The following PRSS56 variants were observed in gnomAD, a reference collection of about 807,000 sequenced individuals.
PRSS56 encodes the protein protease, serine 56.
PRSS56 carries 55 observed loss-of-function variants against 66.8 expected under a neutral mutation model. The ratio of observed to expected loss-of-function variants is 0.82; its 90% confidence interval spans 0.66 to 1.03. The LOEUF is 1.03. Among genes scored for constraint, PRSS56 ranks in the 50% least tolerant of loss-of-function variants. PRSS56 has a pLI of 0.00. For synonymous variants in PRSS56, 409 were observed against 387.9 expected (o/e 1.05, Z -0.64); for missense variants, 869 against 837.2 (o/e 1.04, Z -0.47).
In PRSS56 at chr2:232,525,599, A is replaced by G; in HGVS notation, c.*93A>G. ...CATAATGACAAACTGTCGCTGCCCC[A>G]GTGGCTGGGTGTGTGTGGGTGGGAT... On this transcript the variant is annotated 3_prime_UTR_variant, in exon 13 of 13. Coordinates refer to ENST00000617714, the MANE Select transcript of PRSS56 (RefSeq NM_001195129.2). The G allele has an allele frequency of 2.6e-6, 1 of 378,274 alleles. No homozygotes were observed. Among genetic ancestry groups the G allele is most frequent in the Non-Finnish European group, 4.4e-6 (1 of 227,398 alleles). The allele number at this position is 378,274 out of a possible 1,614,324, so 23.4% of individuals were successfully genotyped here. A position where few individuals can be genotyped will look rare whatever the true frequency, so the allele number is the denominator to read the frequency against.
rs1410526865 is a variant in PRSS56 at position 232,525,422 on chromosome 2, G to C, written c.1728G>C (p.Trp576Cys). 6.5e-7 allele frequency: 1 copy of C among 1,534,122 alleles called. No homozygotes were observed. The change falls in exon 13 of 13, where the codon TGG becomes TGC. Residue 576 changes from tryptophan to cysteine, a missense_variant. By Grantham distance (215) the Trp-to-Cys change is radical (BLOSUM62 -2). This residue lies in a region of PRSS56 where 551 missense variants were observed against 506.9 expected (regional missense o/e 1.09). Transcript: ENST00000617714. Reference protein sequence around the residue: ...ALAEGEPEGPWMDVGQGPGLE... With the variant: ...ALAEGEPEGPCMDVGQGPGLE... ...CAGAAGGGGAGCCCGAGGGACCCTG[G>C]ATGGATGTAGGGCAGGGGCCCGGGC... is the stretch of plus-strand genomic sequence containing the variant.
intron 6 of PRSS56, 64 bp from the exon 7 acceptor site, chr2:232,522,996 G>A: frequency 7.4e-7 from 1 of 1,353,040 alleles, no homozygotes. Flanking sequence ...GGGGTGGTGG[G>A]AAGGGGACCC....
At chr2:232,524,714 C>A in intron 11 of PRSS56, 24 bp from the exon 12 acceptor site, 1 of 1,486,046 alleles carries the variant, frequency 6.7e-7, no homozygotes, top group Non-Finnish European at 9.0e-7. Flanking sequence ...TTCATTATTC[C>A]CGGGGCCTCT....
chr2:232,524,061 G>A lies in PRSS56; in HGVS notation c.1209G>A (p.Thr403=). 6.6e-7 allele frequency: 1 copy of A among 1,523,948 alleles called. No homozygotes were observed. The highest frequency in any genetic ancestry group is 2.0e-4 in the Middle Eastern group (1 of 5,044). 94.4% of individuals were successfully genotyped at this position (1,523,948 alleles called of 1,614,324 possible). The change falls in exon 10 of 13, where the codon ACG becomes ACA. Residue 403 remains threonine, a synonymous_variant. Transcript: ENST00000617714. Reference sequence around the variant, plus strand: ...CAGAGCTGCGCTCGCTGGCGCACACGCTGCTGGGCCTGCTGCGGAACGCGC... The same window carrying A: ...CAGAGCTGCGCTCGCTGGCGCACACACTGCTGGGCCTGCTGCGGAACGCGC... The part of the protein sequence containing the change: ...RRCELRSLAH[T]LLGLLRNAQE...
At chr2:232,522,207 G>A (rs1289091424) in intron 4 of PRSS56, 47 bp downstream of exon 4, 1 of 1,395,436 alleles carries the variant, frequency 7.2e-7, no homozygotes, top group South Asian at 1.5e-5. Context: ...CCCGGCGCTG[G>A]GCCCCGCACC....
Position 232,522,038 on chromosome 2 carries a change from C to T in PRSS56, c.324C>T (p.Gly108=). The T allele has an allele frequency of 3.4e-6, 5 of 1,473,106 alleles. No homozygotes were observed. Among genetic ancestry groups the T allele is most frequent in the African/African-American group, 1.4e-5 (1 of 69,222 alleles). 91.3% of individuals were successfully genotyped at this position (1,473,106 alleles called of 1,614,324 possible). ...GGGCCCACGGCCGCATCGTGGGGGGCAGCGCGGCGCCGCCCGGGGCCTGGC... is the reference window on the plus strand; with the variant it reads ...GGGCCCACGGCCGCATCGTGGGGGGTAGCGCGGCGCCGCCCGGGGCCTGGC... ...VTRAHGRIVG[G]SAAPPGAWPW... The change falls in exon 4 of 13, where the codon GGC becomes GGT. Residue 108 remains glycine (G), a synonymous_variant. Transcript: ENST00000617714.
Position 232,522,585 on chromosome 2 carries a change from C to A in PRSS56, c.517C>A (p.Pro173Thr). ...CCGGGGGGAGCAAGCGGAGGAGGTGCCAGTGAACCGCATCCTGCCCCACCC... is the reference window on the plus strand; with the variant it reads ...CCGGGGGGAGCAAGCGGAGGAGGTGACAGTGAACCGCATCCTGCCCCACCC... ...GSRGEQAEEV[P>T]VNRILPHPKF... The change falls in exon 5 of 13, where the codon CCA (proline) becomes ACA (threonine). Residue 173 changes from proline to threonine, a missense_variant. Around this residue, in one of 3 missense-constraint regions of PRSS56, gnomAD observed 315 missense variants for 313.7 expected, o/e 1.00. Transcript: ENST00000617714. 1 of 1,535,050 alleles carries A rather than the reference C, an allele frequency of 6.5e-7. No individual in the cohort carries two copies. The highest frequency in any genetic ancestry group is 8.7e-7 in the Non-Finnish European group (1 of 1,146,418).
chr2:232,524,913 G>A (rs967244272), intron 12 of PRSS56, 69 bp downstream of exon 12: 40 of 1,283,540 alleles, frequency 3.1e-5, no homozygotes, highest in Non-Finnish European at 3.7e-5. Context: ...CAGGGAAGAT[G>A]CAGAGGGCCC....
chr2:232,523,858 G>A lies in PRSS56; in HGVS notation c.1099G>A (p.Ala367Thr), dbSNP rs1431074074. 5.9e-6 allele frequency: 9 copies of A among 1,532,218 alleles called. No individual in the cohort carries two copies. Among genetic ancestry groups the A allele is most frequent in the East Asian group, 2.4e-5 (1 of 40,824 alleles). 94.9% of individuals were successfully genotyped at this position (1,532,218 alleles called of 1,614,324 possible). ...ELQADAARLC[A>T]FYARLCPGSQ... is the part of the protein sequence containing the mutation. ...GCAGGCAGACGCCGCCCGGCTCTGC[G>A]CCTTCTATGCCCGCCTGTGCCCGGG... Residue 367 changes from alanine (A) to threonine (T), a missense_variant, in exon 9 of 13, where the codon GCC (alanine) becomes ACC (threonine). Coordinates refer to ENST00000617714, the MANE Select transcript of PRSS56 (RefSeq NM_001195129.2).
chr2:232,522,729 C>A lies in PRSS56; in HGVS notation c.574C>A (p.Leu192Met). 6.5e-7 allele frequency: 1 copy of A among 1,534,416 alleles called. No homozygotes were observed. Among genetic ancestry groups the A allele is most frequent in the South Asian group, 1.2e-5 (1 of 83,904 alleles). Residue 192 changes from leucine (L) to methionine (M), a missense_variant, in exon 6 of 13, where the codon CTG becomes ATG. Physicochemically the swap from Leu to Met is conservative, Grantham distance 15. Transcript: ENST00000617714. ...KFDPRTFHND[L>M]ALVQLWTPVS... ...TGACCCGCGGACCTTCCACAACGAC[C>A]TGGCCCTGGTGCAGCTGTGGACGCC...
chr2:232,523,966 C>T, intron 9 of PRSS56, 21 bp downstream of exon 9: 1 of 1,516,438 alleles, frequency 6.6e-7, no homozygotes, highest in Non-Finnish European at 8.8e-7. Context: ...TTCACCCGGA[C>T]CCGGACGGGG....
At chr2:232,524,903 C>G (rs1338082280) in intron 12 of PRSS56, 59 bp downstream of exon 12, 11 of 1,358,426 alleles carry the variant, frequency 8.1e-6, no homozygotes, top group Non-Finnish European at 1.0e-5. Flanking sequence ...AGACCCAGCC[C>G]AGGGAAGATG....
intron 12 of PRSS56, 150 bp downstream of exon 12, chr2:232,524,994 G>A: frequency 1.2e-6 from 1 of 807,276 alleles, no homozygotes; most frequent in Non-Finnish European, 1.9e-6. Flanking sequence ...AGGGTCCGAG[G>A]GGAAGGGAGT....
intron 10 of PRSS56, 33 bp downstream of exon 10, chr2:232,524,236 G>C: frequency 6.5e-7 from 1 of 1,534,292 alleles, no homozygotes; most frequent in Non-Finnish European, 8.7e-7. Context: ...GCCCAGCCCT[G>C]GCCCGGCCCC....
At chr2:232,524,943 C>A in intron 12 of PRSS56, 99 bp downstream of exon 12, 1 of 1,048,488 alleles carries the variant, frequency 9.5e-7, no homozygotes, top group Non-Finnish European at 1.4e-6. Context: ...ACCCTCCCAG[C>A]AGCCTGGGGT....
chr2:232,521,916 C>T, intron 3 of PRSS56, 50 bp downstream of exon 3: 1 of 1,527,034 alleles, frequency 6.5e-7, no homozygotes, highest in Non-Finnish European at 8.8e-7. Context: ...GGGTGGGCCT[C>T]GAAGGCGAGG....
rs929098831 is a variant in PRSS56, at chr2:232,520,517, G to A, written c.-82G>A. On this transcript the variant is annotated 5_prime_UTR_variant, in exon 1 of 13. Coordinates refer to ENST00000617714, the MANE Select transcript of PRSS56 (RefSeq NM_001195129.2). The stretch of plus-strand genomic sequence containing the variant: ...CGGGGGCCGAAAGGCAGCAGAAGGC[G>A]GGCACCAAAGGATAGGCACCCGGAA... 31 of 1,107,778 alleles carry A rather than the reference G, an allele frequency of 2.8e-5. No individual in the cohort carries two copies. The South Asian group carries it at 2.9e-4, about 10-fold the overall frequency. 68.6% of individuals were successfully genotyped at this position (1,107,778 alleles called of 1,614,324 possible).
intron 12 of PRSS56, 126 bp downstream of exon 12, chr2:232,524,970 C>G (rs1691388550): frequency 1.3e-6 from 1 of 767,630 alleles, no homozygotes; most frequent in African/African-American, 1.9e-5. Context: ...TGCCCCAGCT[C>G]TGGGGGTAGG....
intron 2 of PRSS56, 29 bp from the exon 3 acceptor site, chr2:232,521,787 G>A: frequency 2.0e-6 from 3 of 1,535,076 alleles, no homozygotes; most frequent in Non-Finnish European, 2.6e-6. Context: ...GAGGGCAGCA[G>A]TGAGACTCAA....
Sources: allele counts gnomAD v4.1 joint callset, GRCh38; gene constraint gnomAD v4.1.1; regional missense constraint gnomAD v4.1.1; transcripts MANE v1.5; gene names NCBI Gene and HGNC (gene_info 2026-07-23, HGNC 2026-07-21).